The following TMEM47 variants were observed in gnomAD, a reference collection of about 807,000 sequenced individuals.
TMEM47 encodes the protein brain cell membrane protein 1.
TMEM47 carries 3 observed loss-of-function variants against 12.4 expected under a neutral mutation model. The observed-to-expected ratio is 0.24, with a 90% CI of 0.11 to 0.63. TMEM47 has a LOEUF of 0.63. TMEM47 is among the 20% of genes least tolerant of loss of function. The pLI, the probability that TMEM47 is intolerant of heterozygous loss-of-function variation, is 0.86. For missense variants in TMEM47, 89 were observed against 143.8 expected, an observed-to-expected ratio of 0.62 and a Z score of 1.95; for synonymous variants, 62 against 63.3, an observed-to-expected ratio of 0.98 and a Z score of 0.10.
In TMEM47 at chrX:34,656,673, G is replaced by A. The variant is rs973835374; in HGVS notation, c.226+131C>T. ...TGGCGGGAGCCCCAGGATCCGAGAA[G>A]GGCCTGGACGGGGTGGGACGGGCCA... On this transcript the variant is annotated intron_variant, in intron 1 of 2. Coordinates refer to ENST00000275954, the MANE Select transcript of TMEM47 (RefSeq NM_031442.4). The A allele has an allele frequency of 1.4e-5, 15 of 1,063,052 alleles. No individual in the cohort carries two copies. In the African/African-American group the frequency reaches 2.9e-4, roughly 20 times the overall value. 87.6% of individuals were successfully genotyped at this position (1,063,052 alleles called of 1,213,427 possible). A position where few individuals can be genotyped will look rare whatever the true frequency, so the allele number is the denominator to read the frequency against.
chrX:34,631,919 C>G (rs1272490351), intron 2 of TMEM47, among the ~76,000 whole-genome samples: 2 of 111,712 alleles, frequency 1.8e-5, no homozygotes, highest in African/African-American at 6.5e-5. Context: ...CTTCCACCCT[C>G]AAGAAATAGA....
rs769348897 is a variant in TMEM47, at chrX:34,638,001, T to C, written c.367+1246A>G. On this transcript the variant is annotated intron_variant, in intron 2 of 2. Coordinates refer to ENST00000275954, the MANE Select transcript of TMEM47 (RefSeq NM_031442.4). ...TCTCAGCATCCCGAATAACTGGGAC[T>C]AAGACTTCAAAATATTTTTTGAAAT... Among the ~76,000 whole-genome samples the C allele has an allele frequency of 7.2e-5, 8 of 111,372 alleles. 1 individual carries two copies. In the East Asian group the frequency reaches 2.3e-3, roughly 31 times the overall value.
Position 34,657,087 on chromosome X carries a change from G to T in TMEM47, c.-58C>A. On this transcript the variant is annotated 5_prime_UTR_variant, in exon 1 of 3. Coordinates refer to ENST00000275954, the MANE Select transcript of TMEM47 (RefSeq NM_031442.4). ...GGCGAGGACGCCAGGCGGGTCCGGA[G>T]AGCCGGGAGCCGGACCTCCCGAAGG... is the stretch of plus-strand genomic sequence containing the variant. 1 of 1,084,960 alleles carries T rather than the reference G, an allele frequency of 9.2e-7. No individual in the cohort carries two copies. Among genetic ancestry groups the T allele is most frequent in the Non-Finnish European group, 1.2e-6 (1 of 836,345 alleles). 89.4% of individuals were successfully genotyped at this position (1,084,960 alleles called of 1,213,427 possible).
rs1921539180 is a variant in TMEM47, at chrX:34,628,021, TC to T, written c.*2291del. On this transcript the variant is annotated 3_prime_UTR_variant, in exon 3 of 3. Transcript: ENST00000275954. The stretch of plus-strand genomic sequence containing the variant: ...TCAGTAAACTGCAAATATGTGTGCT[TC>T]AACCTATAACATATTCTGTCACTTT... 8.9e-6 allele frequency: 1 copy of T among 111,889 alleles called. No homozygotes were observed. The highest frequency in any genetic ancestry group is 3.3e-5 in the African/African-American group (1 of 30,738). 9.2% of individuals were successfully genotyped at this position (111,889 alleles called of 1,213,427 possible). A position where few individuals can be genotyped will look rare whatever the true frequency, so the allele number is the denominator to read the frequency against.
chrX:34,633,001 C>T (rs191075045), intron 2 of TMEM47, among the ~76,000 whole-genome samples: 16 of 110,870 alleles, frequency 1.4e-4, no homozygotes, highest in Non-Finnish European at 1.9e-4. Flanking sequence ...TCTGTTCACT[C>T]GTCAAATCTG....
chrX:34,643,550 A>G (rs1205010040), intron 1 of TMEM47, among the ~76,000 whole-genome samples: 1 of 112,209 alleles, frequency 8.9e-6, no homozygotes. Context: ...GTTAATTTCT[A>G]TATCAATTTT....
chrX:34,627,339 T>C lies in TMEM47; in HGVS notation c.*2974A>G, dbSNP rs1244197405. The C allele has an allele frequency of 8.9e-6, 1 of 112,287 alleles. No individual in the cohort carries two copies. Among genetic ancestry groups the C allele is most frequent in the Non-Finnish European group, 1.9e-5 (1 of 53,188 alleles). 9.3% of individuals were successfully genotyped at this position (112,287 alleles called of 1,213,427 possible). A position where few individuals can be genotyped will look rare whatever the true frequency, so the allele number is the denominator to read the frequency against. ...AGCATAAACAGCATGAAGTATATTT[T>C]ACTTTTAAGACAGATGAAATTTCTA... On this transcript the variant is annotated 3_prime_UTR_variant, in exon 3 of 3. Transcript: ENST00000275954.
chrX:34,642,833 T>G (rs770357222), intron 1 of TMEM47, among the ~76,000 whole-genome samples: 10 of 112,508 alleles, frequency 8.9e-5, no homozygotes, highest in Non-Finnish European at 1.9e-4. Flanking sequence ...TGAGACTATA[T>G]CCCTGGCGAA....
intron 2 of TMEM47, among the ~76,000 whole-genome samples, chrX:34,633,508 A>G (rs1921661518): frequency 9.0e-6 from 1 of 111,592 alleles, no homozygotes; most frequent in African/African-American, 3.3e-5. Context: ...ATATGATGGA[A>G]GAAACAGCAG....
At chrX:34,632,759 G>A (rs1268672827) in intron 2 of TMEM47, among the ~76,000 whole-genome samples, 1 of 111,513 alleles carries the variant, frequency 9.0e-6, no homozygotes, top group African/African-American at 3.3e-5. Flanking sequence ...ACGGCATATT[G>A]TATGACCCAC....
chrX:34,634,975 C>T (rs1001516535), intron 2 of TMEM47, among the ~76,000 whole-genome samples: 12 of 111,627 alleles, frequency 1.1e-4, no homozygotes, highest in African/African-American at 3.9e-4. Context: ...ATTGTATATG[C>T]GGTTGGTGTC....
chrX:34,652,844 G>A (rs967438441), intron 1 of TMEM47, among the ~76,000 whole-genome samples: 1 of 111,932 alleles, frequency 8.9e-6, no homozygotes, highest in African/African-American at 3.2e-5. Flanking sequence ...TTTCAAGGAA[G>A]CCAGAAGTGG....
At chrX:34,632,270 T>C (rs189822239) in intron 2 of TMEM47, among the ~76,000 whole-genome samples, 72 of 112,132 alleles carry the variant, frequency 6.4e-4, no homozygotes, top group African/African-American at 2.2e-3. Flanking sequence ...CAAACTGACA[T>C]AGTAAAACTA....
intron 2 of TMEM47, among the ~76,000 whole-genome samples, chrX:34,635,878 C>A (rs1201555607): frequency 1.8e-5 from 2 of 111,287 alleles, no homozygotes; most frequent in African/African-American, 6.5e-5. Flanking sequence ...GGTTGATAGG[C>A]CCTACCAGCC....
At position 34,652,466 on chromosome X, in the gene TMEM47, T is replaced by C. The variant is rs1922034030; in HGVS notation, c.226+4338A>G. Among the ~76,000 whole-genome samples, 8 of 112,041 alleles carry C rather than the reference T, an allele frequency of 7.1e-5. No individual in the cohort carries two copies. In the Admixed American group the frequency reaches 7.6e-4, roughly 11 times the overall value. The stretch of plus-strand genomic sequence containing the variant: ...AAAATCTATTGCTTGAGATATTCTT[T>C]TGTTTGTTTTTGTTTTGTTTTGAAA... On this transcript the variant is annotated intron_variant, in intron 1 of 2. Coordinates refer to ENST00000275954, the MANE Select transcript of TMEM47 (RefSeq NM_031442.4).
At chrX:34,642,293 C>G (rs780502859) in intron 1 of TMEM47, among the ~76,000 whole-genome samples, 1 of 112,734 alleles carries the variant, frequency 8.9e-6, no homozygotes, top group East Asian at 2.8e-4. Context: ...TTTTAAACTA[C>G]AAAACACACA....
At chrX:34,635,774 C>T (rs957926194) in intron 2 of TMEM47, among the ~76,000 whole-genome samples, 1 of 111,229 alleles carries the variant, frequency 9.0e-6, no homozygotes, top group Non-Finnish European at 1.9e-5. Flanking sequence ...GGGAATGAGA[C>T]GTTCCATTTA....
At chrX:34,647,043 C>T (rs907695063) in intron 1 of TMEM47, among the ~76,000 whole-genome samples, 3 of 111,473 alleles carry the variant, frequency 2.7e-5, no homozygotes, top group South Asian at 7.5e-4. Context: ...ATAATGTCTA[C>T]CCTCTGCTAG....
intron 2 of TMEM47, among the ~76,000 whole-genome samples, chrX:34,630,832 T>G (rs1357455038): frequency 9.1e-6 from 1 of 109,578 alleles, no homozygotes; most frequent in Non-Finnish European, 1.9e-5. Context: ...GTAGTACTAG[T>G]TAAACTAAAT....
Sources: allele counts gnomAD v4.1 joint callset (sites outside exome capture counted in the v4.1 genomes callset), GRCh38; gene constraint gnomAD v4.1.1; transcripts MANE v1.5; gene names NCBI Gene and HGNC (gene_info 2026-07-23, HGNC 2026-07-21).